TUNAR: variants seen among roughly 807,000 people sequenced by gnomAD.
The protein encoded by TUNAR is protein TUNAR.
chr14:95,898,655 C>T (rs1267364674), intron 2 of TUNAR, among the ~76,000 whole-genome samples: 1 of 152,130 alleles, frequency 6.6e-6, no homozygotes, highest in African/African-American at 2.4e-5. Context: ...CATGTTGGCA[C>T]TAACATTTTT....
chr14:95,923,428 G>T (rs1433164342), exon 3 of TUNAR: 1 of 153,536 alleles, frequency 6.5e-6, no homozygotes, highest in Non-Finnish European at 1.4e-5. Flanking sequence ...CCTTTGACAG[G>T]CATCCCATTC....
At chr14:95,924,536 AG>A (rs1278457491) in exon 3 of TUNAR, 2 of 152,346 alleles carry the variant, frequency 1.3e-5, no homozygotes, top group Non-Finnish European at 2.9e-5. Flanking sequence ...CAATTTACAA[AG>A]AAAGAGGTTT....
At chr14:95,919,139 G>A (rs1889652534) in intron 2 of TUNAR, among the ~76,000 whole-genome samples, 1 of 152,158 alleles carries the variant, frequency 6.6e-6, no homozygotes, top group Non-Finnish European at 1.5e-5. Flanking sequence ...TCATGACTTT[G>A]TGCAAAGTTT....
intron 2 of TUNAR, among the ~76,000 whole-genome samples, chr14:95,893,724 A>C (rs1398254505): frequency 6.6e-6 from 1 of 152,224 alleles, no homozygotes; most frequent in Non-Finnish European, 1.5e-5. Context: ...CCTTCCCAGG[A>C]GCATTTGAAA....
At chr14:95,925,031 A>G (rs1166136215) in exon 3 of TUNAR, 6 of 152,230 alleles carry the variant, frequency 3.9e-5, no homozygotes, top group Middle Eastern at 3.2e-3. Flanking sequence ...TTGATTTATG[A>G]TATCTTCTCT....
intron 2 of TUNAR, among the ~76,000 whole-genome samples, chr14:95,913,137 C>A (rs956817549): frequency 7.1e-6 from 1 of 141,538 alleles, no homozygotes; most frequent in African/African-American, 2.9e-5. Context: ...CCATCATTTT[C>A]TTTCCTTTTT....
chr14:95,878,479 G>A (rs1168495617), intron 2 of TUNAR, among the ~76,000 whole-genome samples: 1 of 152,106 alleles, frequency 6.6e-6, no homozygotes, highest in Non-Finnish European at 1.5e-5. Flanking sequence ...TAGCAGTAGG[G>A]GCCTCTGTGT....
intron 2 of TUNAR, among the ~76,000 whole-genome samples, chr14:95,907,693 C>A (rs1354431454): frequency 6.6e-6 from 1 of 152,184 alleles, no homozygotes. Context: ...ATTGAGCGTA[C>A]AGCTCTCAGC....
intron 2 of TUNAR, among the ~76,000 whole-genome samples, chr14:95,904,630 G>A (rs917714026): frequency 6.6e-6 from 1 of 152,204 alleles, no homozygotes; most frequent in African/African-American, 2.4e-5. Flanking sequence ...AAGCCCAGGT[G>A]TCATCCCTGA....
intron 2 of TUNAR, among the ~76,000 whole-genome samples, chr14:95,922,305 A>G (rs543108284): frequency 6.6e-6 from 1 of 152,060 alleles, no homozygotes; most frequent in Non-Finnish European, 1.5e-5. Flanking sequence ...AGCCACCCCT[A>G]CCCATACCGC....
At chr14:95,904,802 T>C (rs1441877588) in intron 2 of TUNAR, among the ~76,000 whole-genome samples, 1 of 152,196 alleles carries the variant, frequency 6.6e-6, no homozygotes, top group Non-Finnish European at 1.5e-5. Context: ...CCGGGCTGGG[T>C]ACCCCGCAGT....
At chr14:95,885,199 C>A (rs923911511) in intron 2 of TUNAR, among the ~76,000 whole-genome samples, 1 of 152,210 alleles carries the variant, frequency 6.6e-6, no homozygotes, top group Admixed American at 6.5e-5. Flanking sequence ...ATTGCAGATG[C>A]CTTACCTTGA....
intron 2 of TUNAR, among the ~76,000 whole-genome samples, chr14:95,890,807 T>C (rs1374531676): frequency 6.6e-6 from 1 of 152,258 alleles, no homozygotes; most frequent in Non-Finnish European, 1.5e-5. Context: ...TTTAAATTTG[T>C]TCATTAATCA....
At chr14:95,891,123 CTG>C (rs1170343488) in intron 2 of TUNAR, among the ~76,000 whole-genome samples, 1 of 152,258 alleles carries the variant, frequency 6.6e-6, no homozygotes, top group Non-Finnish European at 1.5e-5. Context: ...AATTAGAAAT[CTG>C]TGTTGGCAAA....
At chr14:95,876,739 G>C (rs1474219137) in intron 1 of TUNAR, 93 bp from the exon 1 acceptor site, 1 of 152,300 alleles carries the variant, frequency 6.6e-6, no homozygotes. Context: ...CGCGCAGCGC[G>C]GGGAGCAGAC....
At chr14:95,905,734 A>G (rs931214368) in intron 2 of TUNAR, among the ~76,000 whole-genome samples, 2 of 152,204 alleles carry the variant, frequency 1.3e-5, no homozygotes, top group Non-Finnish European at 2.9e-5. Context: ...TTTAGCATCC[A>G]TCGGTAGATC....
intron 2 of TUNAR, among the ~76,000 whole-genome samples, chr14:95,905,637 G>A (rs4905403): frequency 0.27 from 40,654 of 152,148 alleles, 8,917 homozygotes; most frequent in African/African-American, 0.6. Flanking sequence ...TAAAGTCACT[G>A]TCTTTTCTTC....
At chr14:95,921,377 G>A (rs1234731598) in intron 2 of TUNAR, among the ~76,000 whole-genome samples, 1 of 152,176 alleles carries the variant, frequency 6.6e-6, no homozygotes, top group African/African-American at 2.4e-5. Flanking sequence ...CTGGCCTGGT[G>A]CACATCACAT....
At chr14:95,891,766 G>A (rs1256370960) in intron 2 of TUNAR, among the ~76,000 whole-genome samples, 1 of 152,228 alleles carries the variant, frequency 6.6e-6, no homozygotes, top group Non-Finnish European at 1.5e-5. Flanking sequence ...AGAAATGTAT[G>A]GCCTTGTAGT....
Sources: gnomAD v4.1 joint callset for allele counts (sites outside exome capture counted in the v4.1 genomes callset) on GRCh38, gnomAD v4.1.1 for gene constraint, MANE v1.5 for transcripts, NCBI Gene and HGNC (gene_info 2026-07-23, HGNC 2026-07-21) for gene names.